Variants in LTBP4 observed in about 807,000 individuals in gnomAD.
The protein encoded by LTBP4 is latent transforming growth factor beta binding protein 4, also known as latent-transforming growth factor beta-binding protein 4.
LTBP4 carries 93 observed loss-of-function variants against 180.2 expected under a neutral mutation model. The observed-to-expected ratio is 0.52, with a 90% CI of 0.44 to 0.61. The LOEUF (loss-of-function observed/expected upper bound fraction) is 0.61. Among genes scored for constraint, LTBP4 ranks in the 20% least tolerant of loss-of-function variants. The pLI is 0.00. For synonymous variants in LTBP4, 947 were observed against 934.5 expected (o/e 1.01, Z -0.24); for missense variants, 2,116 against 2,256.5 (o/e 0.94, Z 1.26).
In LTBP4 at chr19:40,617,190, G is replaced by C; in HGVS notation, c.3035G>C (p.Gly1012Ala). Residue 1012 changes from glycine to alanine, a missense_variant, in exon 21 of 30, where the codon GGT (glycine) becomes GCT (alanine). Gly to Ala is a moderately conservative substitution (Grantham distance 60). Transcript: ENST00000396819. ...TCCTTCCAGTGCCTCTGTGACCAGG[G>C]TTACGAGGGGGCACGGGATGGGCGT... ...PGSFQCLCDQ[G>A]YEGARDGRHC... The C allele has an allele frequency of 6.2e-7, 1 of 1,613,876 alleles. No homozygotes were observed. The highest frequency in any genetic ancestry group is 1.1e-5 in the South Asian group (1 of 91,044).
In LTBP4 at chr19:40,611,718, T is replaced by C. The variant is rs2278246; in HGVS notation, c.2054-141T>C. ...CCATTGAATGGGGACACGAGGAAGG[T>C]GTCTGTCTTCCTGGGAAGAGGGAGC... On this transcript the variant is annotated intron_variant, in intron 13 of 29. Transcript: ENST00000396819. The surrounding 1 kb of genome is among the most constrained non-coding windows in gnomAD (Gnocchi z 4.4). The C allele has an allele frequency of 0.42, 539,334 of 1,292,744 alleles. 114,713 individuals are homozygous for C. The highest frequency in any genetic ancestry group is 0.55 in the South Asian group (36,703 of 66,228). 80.1% of individuals were successfully genotyped at this position (1,292,744 alleles called of 1,614,324 possible).
upstream of LTBP4, among the ~76,000 whole-genome samples, chr19:40,597,916 T>C (rs1200386061): frequency 2.9e-5 from 3 of 102,822 alleles, no homozygotes; most frequent in Admixed American, 1.0e-4. Flanking sequence ...TTGTGGGGAG[T>C]GGGGTCGGGT....
At chr19:40,614,226 C>A in intron 18 of LTBP4, 89 bp from the exon 19 acceptor site, 1 of 1,518,160 alleles carries the variant, frequency 6.6e-7, no homozygotes, top group Non-Finnish European at 8.9e-7. Context: ...CTTCCCCGGC[C>A]TCCCCCTTCT....
chr19:40,601,410 T>G lies in LTBP4; in HGVS notation c.23T>G (p.Leu8Arg), dbSNP rs1003707366. 2.2e-6 allele frequency: 3 copies of G among 1,389,904 alleles called. No homozygotes were observed. Among genetic ancestry groups the G allele is most frequent in the African/African-American group, 3.0e-5 (2 of 66,762 alleles). The allele number at this position is 1,389,904 out of a possible 1,614,324, so 86.1% of individuals were successfully genotyped here. ...GCCATGGCGGGCGGCGTGCGGCTGCTCTGGGTGTCGCTATTGGTGCTGCTG... is the reference window on the plus strand; with the variant it reads ...GCCATGGCGGGCGGCGTGCGGCTGCGCTGGGTGTCGCTATTGGTGCTGCTG... MAGGVRL[L>R]WVSLLVLLAQ... The change falls in exon 1 of 30, where the codon CTC becomes CGC. Residue 8 changes from leucine to arginine, a missense_variant. Around this residue, in one of 5 missense-constraint regions of LTBP4, gnomAD observed 469 missense variants for 532.5 expected, o/e 0.88. Transcript: ENST00000396819.
chr19:40,597,803 C>A (rs2081398907), upstream of LTBP4, among the ~76,000 whole-genome samples: 1 of 151,446 alleles, frequency 6.6e-6, no homozygotes, highest in Non-Finnish European at 1.5e-5. Context: ...CTGAGTTGTC[C>A]TGGTTTTCTA....
chr19:40,599,902 G>C, upstream of LTBP4: 1 of 470,006 alleles, frequency 2.1e-6, no homozygotes, highest in East Asian at 3.3e-5. Flanking sequence ...TTTCTCTCAG[G>C]GTCTTTGTTT....
Position 40,610,661 on chromosome 19 carries a change from A to T in LTBP4, c.1810+4A>T. 6.3e-7 allele frequency: 1 copy of T among 1,577,146 alleles called. No homozygotes were observed. The highest frequency in any genetic ancestry group is 8.6e-7 in the Non-Finnish European group (1 of 1,164,538). The stretch of plus-strand genomic sequence containing the variant: ...CCGCACGGAGCCAGCTGCCAGGGTG[A>T]GGGCCTGGGAGGGGCAGCTGGGAAG... On this transcript the variant is annotated splice_donor_region_variant and intron_variant, in intron 12 of 29. Transcript: ENST00000396819.
intron 22 of LTBP4, 32 bp downstream of exon 22, chr19:40,619,525 G>C (rs755061899): frequency 6.4e-7 from 1 of 1,567,956 alleles, no homozygotes; most frequent in Admixed American, 1.8e-5. Context: ...AACTGATGGC[G>C]GCTGGCCCCA....
rs1264157206 is a variant in LTBP4 at position 40,609,660 on chromosome 19, T to C, written c.1557T>C (p.Ile519=). Residue 519 remains isoleucine, a splice_region_variant and synonymous_variant, in exon 10 of 30, where the codon ATT becomes ATC. Transcript: ENST00000396819. The surrounding 1 kb of genome is among the most constrained non-coding windows in gnomAD (Gnocchi z 4.9). ...TCAGCCCCCAGGGCACCCGATGCAT[T>C]GGTGAGCAAGACGGAGGGCGCGGAA... ...FRLSPQGTRC[I]DVDECRRVPP... 6.2e-7 allele frequency: 1 copy of C among 1,613,098 alleles called. No individual in the cohort carries two copies. The highest frequency in any genetic ancestry group is 2.2e-5 in the East Asian group (1 of 44,866).
At position 40,610,549 on chromosome 19, in the gene LTBP4, C is replaced by G. The variant is rs33937741; in HGVS notation, c.1702C>G (p.Arg568Gly). The change falls in exon 12 of 30, where the codon CGC becomes GGC. Residue 568 changes from arginine (R) to glycine (G), a missense_variant. Arg to Gly is a moderately radical substitution (Grantham distance 125). Coordinates refer to ENST00000396819, the MANE Select transcript of LTBP4 (RefSeq NM_001042545.2). ...GCCTACAGATGTGGACGAGTGCCAC[C>G]GCGTGCCGCCGCCGTGTGACCTCGG... ...AECLDVDECH[R>G]VPPPCDLGRC... is the part of the protein sequence containing the mutation. 66,518 of 1,593,254 alleles carry G rather than the reference C, an allele frequency of 0.042. 1,658 individuals carry two copies. The highest frequency in any genetic ancestry group is 0.05 in the Non-Finnish European group (58,851 of 1,175,578).
intron 18 of LTBP4, 122 bp from the exon 19 acceptor site, chr19:40,614,193 A>G (rs948629902): frequency 1.3e-5 from 19 of 1,426,272 alleles, no homozygotes; most frequent in Middle Eastern, 1.8e-4. Context: ...CTCTACCCCA[A>G]TCTTCTCCTG....
upstream of LTBP4, among the ~76,000 whole-genome samples, chr19:40,596,390 C>A (rs190685870): frequency 1.9e-4 from 29 of 152,172 alleles, no homozygotes; most frequent in African/African-American, 7.0e-4. Flanking sequence ...AGAAAGTCTG[C>A]AATTCTGGGT....
intron 21 of LTBP4, among the ~76,000 whole-genome samples, 170 bp downstream of exon 21, chr19:40,617,395 G>A (rs1021414347): frequency 1.2e-4 from 19 of 152,210 alleles, no homozygotes; most frequent in African/African-American, 4.3e-4. Flanking sequence ...TGTAATCCCA[G>A]TACTTTGGGA....
At position 40,617,100 on chromosome 19, in the gene LTBP4, A is replaced by T. The variant is rs759989721; in HGVS notation, c.2945A>T (p.Asp982Val). The change falls in exon 21 of 30, where the codon GAT (aspartate) becomes GTT (valine). Residue 982 changes from aspartate (D) to valine (V), a missense_variant and splice_region_variant. Asp to Val is a radical substitution (Grantham distance 152, BLOSUM62 -3). This residue lies in a region of LTBP4 where 877 missense variants were observed against 873.6 expected (regional missense o/e 1.00). Transcript: ENST00000396819. ...YQPTPGGGCQ[D>V]VDECRNRSFC... is the part of the protein sequence containing the mutation. ...TGGCCTGACTGTCTGGTGGTTGCAGATGTGGACGAATGCCGGAACCGGTCC... is the reference window on the plus strand; with the variant it reads ...TGGCCTGACTGTCTGGTGGTTGCAGTTGTGGACGAATGCCGGAACCGGTCC... 60 of 1,614,000 alleles carry T rather than the reference A, an allele frequency of 3.7e-5. No homozygotes were observed. The highest frequency in any genetic ancestry group is 5.1e-5 in the Non-Finnish European group (60 of 1,179,882).
intron 1 of LTBP4, among the ~76,000 whole-genome samples, chr19:40,603,203 C>T (rs2081436267): frequency 6.6e-6 from 1 of 152,218 alleles, no homozygotes; most frequent in African/African-American, 2.4e-5. Context: ...TAGCTCACCC[C>T]CTTCCCCAGG....
chr19:40,616,552 GTGAAATC>G (rs1211983127), intron 19 of LTBP4, among the ~76,000 whole-genome samples: 3 of 152,120 alleles, frequency 2.0e-5, no homozygotes, highest in African/African-American at 7.2e-5. Flanking sequence ...GGTCAACATG[GTGAAATC>G]TCATCTCTAC....
chr19:40,594,110 G>A lies in LTBP4; in HGVS notation c.16+929G>A, dbSNP rs574277209. Among the ~76,000 whole-genome samples the A allele has an allele frequency of 2.0e-5, 3 of 152,134 alleles. No individual in the cohort carries two copies. In the South Asian group the frequency reaches 6.2e-4, roughly 32 times the overall value. The stretch of plus-strand genomic sequence containing the variant: ...GGCCTTATTCTGGGGGAGGGGGTGG[G>A]GGGGGAGAGAGAGAGAGGGAGAGAG... On this transcript the variant is annotated intron_variant, in intron 1 of 32. Transcript: ENST00000204005.
intron 25 of LTBP4, 91 bp downstream of exon 25, chr19:40,623,823 AAGTCTTTCCTGG>A (rs2081604773): frequency 6.3e-7 from 1 of 1,597,086 alleles, no homozygotes; most frequent in Non-Finnish European, 8.6e-7. Context: ...CACCAGCGGG[AAGTCTTTCCTGG>A]AGTCTAGACT....
intron 22 of LTBP4, among the ~76,000 whole-genome samples, chr19:40,621,749 T>A (rs1333452691): frequency 6.6e-6 from 1 of 151,758 alleles, no homozygotes; most frequent in African/African-American, 2.4e-5. Flanking sequence ...AGGCATAGGT[T>A]TTTTGTTTGT....
Sources: gnomAD v4.1 joint callset for allele counts (sites outside exome capture counted in the v4.1 genomes callset) on GRCh38, gnomAD v4.1.1 for gene constraint, gnomAD v4.1.1 regional missense constraint, Gnocchi (gnomAD v3.1) non-coding constraint, MANE v1.5 for transcripts, NCBI Gene and HGNC (gene_info 2026-07-23, HGNC 2026-07-21) for gene names.